TRIO: variants seen among roughly 807,000 people sequenced by gnomAD.
TRIO encodes trio Rho guanine nucleotide exchange factor.
Under a neutral mutation model 351.9 loss-of-function variants are expected in TRIO, and 58 were observed. That is an observed-to-expected ratio of 0.16 (90% CI 0.13 to 0.21). The LOEUF is 0.21. Among genes scored for constraint, TRIO ranks in the 10% least tolerant of loss-of-function variants. TRIO has a pLI of 1.00. For synonymous variants in TRIO, 1,758 were observed against 1,595.7 expected, an observed-to-expected ratio of 1.10 and a Z score of -2.42; for missense variants, 3,201 against 4,027.8, an observed-to-expected ratio of 0.79 and a Z score of 5.56.
rs1384265862 is a variant in TRIO at position 14,387,600 on chromosome 5, G to A, written c.3733G>A (p.Ala1245Thr). 1 of 1,613,030 alleles carries A rather than the reference G, an allele frequency of 6.2e-7. No individual in the cohort carries two copies. The highest frequency in any genetic ancestry group is 1.7e-5 in the Admixed American group (1 of 59,900). ...GAAGTACAGGACCTCTTTGGAAAAA[G>A]CCCTGGGGATTTCTTCAGATTCCAA... ...MEKYRTSLEKALGISSDSNKS... is the reference protein window; with the variant it reads ...MEKYRTSLEKTLGISSDSNKS... The change falls in exon 22 of 57, where the codon GCC becomes ACC. Residue 1245 changes from alanine to threonine, a missense_variant. Physicochemically the swap from Ala to Thr is moderately conservative, Grantham distance 58. Transcript: ENST00000344204.
Position 14,193,456 on chromosome 5 carries a change from A to G in TRIO, c.157+49574A>G, listed in dbSNP as rs141378393. Among the ~76,000 whole-genome samples the G allele has an allele frequency of 7.5e-3, 1,139 of 152,326 alleles. 20 individuals carry two copies. Among genetic ancestry groups the G allele is most frequent in the African/African-American group, 0.026 (1,083 of 41,568 alleles). ...TTAGTTTTACTTTAAAAATATGAAA[A>G]CATAAACATTAACCTGTTTCCTTTT... On this transcript the variant is annotated intron_variant, in intron 1 of 56. Transcript: ENST00000344204.
At chr5:14,165,701 G>A (rs1788721863) in intron 1 of TRIO, among the ~76,000 whole-genome samples, 1 of 152,144 alleles carries the variant, frequency 6.6e-6, no homozygotes, top group Non-Finnish European at 1.5e-5. Context: ...TCCTTGGGAA[G>A]GGATGTAGCC....
At chr5:14,400,513 A>T (rs1747982527) in intron 30 of TRIO, among the ~76,000 whole-genome samples, 1 of 152,234 alleles carries the variant, frequency 6.6e-6, no homozygotes. Flanking sequence ...AATGCTATTG[A>T]TAAAGAAATT....
At chr5:14,363,710 G>A (rs1392962637) in intron 13 of TRIO, 22 bp from the exon 14 acceptor site, 1 of 1,597,212 alleles carries the variant, frequency 6.3e-7, no homozygotes, top group East Asian at 2.2e-5. Context: ...TTTTTGTCTT[G>A]ATCTTAAATA....
chr5:14,296,783 G>A (rs1242507111), intron 6 of TRIO, among the ~76,000 whole-genome samples: 1 of 152,192 alleles, frequency 6.6e-6, no homozygotes, highest in Non-Finnish European at 1.5e-5. Context: ...TAGTATATTT[G>A]TGTGCACCCA....
In TRIO at chr5:14,258,116, G is replaced by A. The variant is rs115327187; in HGVS notation, c.158-12709G>A. Among the ~76,000 whole-genome samples the A allele has an allele frequency of 5.0e-3, 755 of 152,342 alleles. 6 individuals are homozygous for A. Among genetic ancestry groups the A allele is most frequent in the African/African-American group, 0.016 (673 of 41,582 alleles). On this transcript the variant is annotated intron_variant, in intron 1 of 56. Transcript: ENST00000344204. ...CTGTTGACACAAAATTTCGTTTTGAGTTGTGGCACCATTGTGGTTTGCAGC... is the reference window on the plus strand; with the variant it reads ...CTGTTGACACAAAATTTCGTTTTGAATTGTGGCACCATTGTGGTTTGCAGC...
chr5:14,182,869 C>A lies in TRIO; in HGVS notation c.157+38987C>A, dbSNP rs554913819. ...GGACCAAATACAGTGGAGACCCCCC[C>A]CCCTCCACTTTGCCGTGCACTTTGT... is the stretch of plus-strand genomic sequence containing the variant. On this transcript the variant is annotated intron_variant, in intron 1 of 56. Coordinates refer to ENST00000344204, the MANE Select transcript of TRIO (RefSeq NM_007118.4). 1.2e-3 allele frequency among the ~76,000 whole-genome samples: 79 copies of A among 66,996 alleles called. 1 individual carries two copies. Among genetic ancestry groups the A allele is most frequent in the Non-Finnish European group, 3.2e-3 (71 of 22,358 alleles). The allele number at this position is 66,996 out of a possible 152,430, so 44.0% of individuals were successfully genotyped here.
chr5:14,487,751 TC>T lies in TRIO; in HGVS notation c.7126del (p.Leu2376CysfsTer37). On this transcript the variant is annotated frameshift_variant, in exon 48 of 57. Coordinates refer to ENST00000344204, the MANE Select transcript of TRIO (RefSeq NM_007118.4). LOFTEE classifies it high-confidence loss of function. ...KMSGTSTPGP[S>X]LPPPGAAPEA... ...GTCAGGTACGTCCACCCCCGGGCCC[TC>T]CCTGCCTCCCCCTGGCGCGGCCCCC... is the stretch of plus-strand genomic sequence containing the variant. 7.2e-7 allele frequency: 1 copy of T among 1,381,852 alleles called. No homozygotes were observed. Among genetic ancestry groups the T allele is most frequent in the Non-Finnish European group, 9.4e-7 (1 of 1,059,826 alleles). The allele number at this position is 1,381,852 out of a possible 1,614,324, so 85.6% of individuals were successfully genotyped here.
At chr5:14,504,079 T>C (rs1196195989) in intron 54 of TRIO, among the ~76,000 whole-genome samples, 1 of 151,272 alleles carries the variant, frequency 6.6e-6, no homozygotes, top group Non-Finnish European at 1.5e-5. Context: ...CAGAAGGGAG[T>C]CGCCCGGCAA....
intron 1 of TRIO, among the ~76,000 whole-genome samples, chr5:14,205,324 A>G (rs1791387984): frequency 6.6e-6 from 1 of 152,266 alleles, no homozygotes; most frequent in African/African-American, 2.4e-5. Flanking sequence ...GAAGAAAATA[A>G]GAACAAAGGA....
At chr5:14,433,830 T>G (rs1010896327) in intron 34 of TRIO, among the ~76,000 whole-genome samples, 2 of 152,230 alleles carry the variant, frequency 1.3e-5, no homozygotes, top group Non-Finnish European at 2.9e-5. Context: ...TATTTTGATT[T>G]TGATTTTAAG....
At chr5:14,154,527 C>T (rs1211493388) in intron 1 of TRIO, among the ~76,000 whole-genome samples, 5 of 152,074 alleles carry the variant, frequency 3.3e-5, no homozygotes, top group Non-Finnish European at 7.4e-5. Flanking sequence ...CATTTCCTTC[C>T]CACTGTCTCA....
chr5:14,364,075 T>A, intron 14 of TRIO, 148 bp downstream of exon 14: 1 of 705,700 alleles, frequency 1.4e-6, no homozygotes, highest in Admixed American at 3.1e-5. Flanking sequence ...ACGTTTGCAT[T>A]TTTATGTAAT....
intron 1 of TRIO, among the ~76,000 whole-genome samples, chr5:14,180,620 G>A (rs1238270800): frequency 6.6e-6 from 1 of 152,138 alleles, no homozygotes; most frequent in Non-Finnish European, 1.5e-5. Flanking sequence ...GATCGCTTGA[G>A]GCCAGGAATT....
intron 1 of TRIO, among the ~76,000 whole-genome samples, chr5:14,223,462 A>G (rs898137887): frequency 7.2e-5 from 11 of 152,340 alleles, no homozygotes; most frequent in Non-Finnish European, 1.5e-4. Context: ...GTTGCATCAC[A>G]GCCATGTCCT....
intron 21 of TRIO, among the ~76,000 whole-genome samples, chr5:14,384,119 C>T (rs1045778906): frequency 8.5e-5 from 13 of 152,166 alleles, no homozygotes; most frequent in Admixed American, 7.2e-4. Flanking sequence ...TGTCCTCACT[C>T]CAAACCTAGT....
At chr5:14,453,166 C>T (rs1408850711) in intron 34 of TRIO, among the ~76,000 whole-genome samples, 2 of 152,016 alleles carry the variant, frequency 1.3e-5, no homozygotes, top group African/African-American at 4.8e-5. Context: ...TTTCCCTCCT[C>T]AAAATAAGAA....
chr5:14,476,818 G>T, intron 40 of TRIO, 76 bp from the exon 41 acceptor site: 12 of 1,246,344 alleles, frequency 9.6e-6, no homozygotes, highest in East Asian at 2.5e-5. Context: ...AAAAGAAAAA[G>T]AAAAAATGTA....
At chr5:14,352,952 T>G (rs1270237439) in intron 11 of TRIO, among the ~76,000 whole-genome samples, 1 of 151,988 alleles carries the variant, frequency 6.6e-6, no homozygotes, top group Non-Finnish European at 1.5e-5. Context: ...TCATGGCGCT[T>G]CCCCTAGAAT....
Sources: allele counts gnomAD v4.1 joint callset (sites outside exome capture counted in the v4.1 genomes callset), GRCh38; gene constraint gnomAD v4.1.1; transcripts MANE v1.5; gene names NCBI Gene and HGNC (gene_info 2026-07-23, HGNC 2026-07-21).